Variants in CREB3L2 observed in about 807,000 individuals in gnomAD.
CREB3L2 encodes cyclic AMP-responsive element-binding protein 3-like protein 2.
In CREB3L2, 23 loss-of-function variants were observed where a neutral mutation model predicts 57.2. That is an observed-to-expected ratio of 0.40 (90% CI 0.29 to 0.57). The LOEUF (loss-of-function observed/expected upper bound fraction) is 0.57. Ranked by LOEUF, CREB3L2 falls within the 20% of genes least tolerant of loss-of-function variation. The pLI is 0.42. For synonymous variants in CREB3L2, 268 were observed against 265.1 expected (o/e 1.01, Z -0.11); for missense variants, 628 against 634.7 (o/e 0.99, Z 0.11).
intron 1 of CREB3L2, among the ~76,000 whole-genome samples, chr7:137,959,447 A>G (rs891725923): frequency 3.3e-5 from 5 of 152,198 alleles, no homozygotes; most frequent in African/African-American, 1.2e-4. Context: ...CCAGCACCTG[A>G]GCACAGACTC....
At chr7:137,887,900 T>TA (rs1799457492) in intron 8 of CREB3L2, among the ~76,000 whole-genome samples, 1 of 152,200 alleles carries the variant, frequency 6.6e-6, no homozygotes, top group Non-Finnish European at 1.5e-5. Flanking sequence ...GAAGTATGAT[T>TA]GAATGTAGTT....
chr7:137,884,543 C>T (rs543563954), intron 10 of CREB3L2: 12 of 249,872 alleles, frequency 4.8e-5, no homozygotes, highest in Non-Finnish European at 7.8e-5. Flanking sequence ...CCACCACGCC[C>T]GGCCCTGACC....
At chr7:137,991,844 G>T (rs1170727419) in intron 1 of CREB3L2, among the ~76,000 whole-genome samples, 1 of 151,680 alleles carries the variant, frequency 6.6e-6, no homozygotes, top group Non-Finnish European at 1.5e-5. Context: ...GGACATGGAG[G>T]TTGCAGTGAG....
At chr7:137,930,895 C>T (rs1800600533) in intron 1 of CREB3L2, among the ~76,000 whole-genome samples, 1 of 148,722 alleles carries the variant, frequency 6.7e-6, no homozygotes. Context: ...AAAGATTATA[C>T]ATATCATGAA....
chr7:137,876,313 G>T lies in CREB3L2; in HGVS notation c.*4163C>A. ...GCACATTTAAGGCACAAATGAGCAT[G>T]TAAGGGAGGAATGTGCACGTGTGTG... is the stretch of plus-strand genomic sequence containing the variant. On this transcript the variant is annotated 3_prime_UTR_variant, in exon 12 of 12. Coordinates refer to ENST00000330387, the MANE Select transcript of CREB3L2 (RefSeq NM_194071.4). 4 of 230,758 alleles carry T rather than the reference G, an allele frequency of 1.7e-5. No homozygotes were observed. Among genetic ancestry groups the T allele is most frequent in the Non-Finnish European group, 2.6e-5 (3 of 117,462 alleles). 14.3% of individuals were successfully genotyped at this position (230,758 alleles called of 1,614,324 possible). A position where few individuals can be genotyped will look rare whatever the true frequency, so the allele number is the denominator to read the frequency against.
chr7:137,885,528 G>C (rs772268220), intron 8 of CREB3L2, 26 bp from the exon 9 acceptor site: 1 of 1,561,734 alleles, frequency 6.4e-7, no homozygotes, highest in Admixed American at 1.7e-5. Context: ...ACAGCCGTGA[G>C]GGGAGTCTGA....
chr7:137,959,971 T>C (rs1235000464), intron 1 of CREB3L2, among the ~76,000 whole-genome samples: 6 of 152,196 alleles, frequency 3.9e-5, no homozygotes, highest in Non-Finnish European at 8.8e-5. Flanking sequence ...TCCCTAGTTT[T>C]TAGAATTCTC....
intron 1 of CREB3L2, among the ~76,000 whole-genome samples, chr7:137,943,491 G>A (rs1483662176): frequency 1.3e-5 from 2 of 152,146 alleles, no homozygotes; most frequent in South Asian, 2.1e-4. Context: ...CATAGATGGA[G>A]AGCAGTATCA....
chr7:137,927,200 G>C (rs188968947), intron 2 of CREB3L2, among the ~76,000 whole-genome samples: 209 of 149,594 alleles, frequency 1.4e-3, no homozygotes, highest in Non-Finnish European at 2.4e-3. Context: ...AGGAAGGAAA[G>C]GGAGGAAGGA....
intron 11 of CREB3L2, among the ~76,000 whole-genome samples, chr7:137,881,813 A>G (rs1563236084): frequency 6.6e-6 from 1 of 152,196 alleles, no homozygotes; most frequent in Non-Finnish European, 1.5e-5. Context: ...GATTTTTCCC[A>G]GAAACTGAGA....
chr7:137,899,913 CTG>C (rs138021720), intron 8 of CREB3L2, among the ~76,000 whole-genome samples: 3,012 of 152,326 alleles, frequency 0.02, 97 homozygotes, highest in African/African-American at 0.068. Context: ...GAGATTTAAA[CTG>C]ATCCCTTAAT....
intron 1 of CREB3L2, among the ~76,000 whole-genome samples, chr7:137,949,638 C>A (rs189307758): frequency 1.1e-4 from 17 of 152,128 alleles, no homozygotes; most frequent in African/African-American, 3.9e-4. Flanking sequence ...CTAACACAGA[C>A]GTAAAGCTTG....
chr7:137,879,965 G>T lies in CREB3L2; in HGVS notation c.*511C>A, dbSNP rs1171846728. ...GAGACGATCCAGCGAGGGCTCCCAGGGGGCAGAGTGGGCGGAGGGCTGCTG... is the reference window on the plus strand; with the variant it reads ...GAGACGATCCAGCGAGGGCTCCCAGTGGGCAGAGTGGGCGGAGGGCTGCTG... On this transcript the variant is annotated 3_prime_UTR_variant, in exon 12 of 12. Coordinates refer to ENST00000330387, the MANE Select transcript of CREB3L2 (RefSeq NM_194071.4). 2.5e-5 allele frequency: 6 copies of T among 237,778 alleles called. No individual in the cohort carries two copies. The highest frequency in any genetic ancestry group is 5.4e-5 in the Admixed American group (1 of 18,628). 14.7% of individuals were successfully genotyped at this position (237,778 alleles called of 1,614,324 possible). A position where few individuals can be genotyped will look rare whatever the true frequency, so the allele number is the denominator to read the frequency against.
At chr7:137,900,667 G>T (rs1799733019) in intron 8 of CREB3L2, among the ~76,000 whole-genome samples, 1 of 151,792 alleles carries the variant, frequency 6.6e-6, no homozygotes, top group Non-Finnish European at 1.5e-5. Flanking sequence ...AGCCGGACGT[G>T]GTGGCGCGTG....
intron 2 of CREB3L2, among the ~76,000 whole-genome samples, chr7:137,922,428 A>G (rs1381218504): frequency 3.7e-5 from 2 of 53,554 alleles, no homozygotes; most frequent in East Asian, 1.8e-3. Flanking sequence ...ATATATATAT[A>G]TATATATACG....
At chr7:137,916,777 A>AGAGTGAGAGTGAGAGCGAGAGCGAGAGC (rs1800144833) in intron 2 of CREB3L2, among the ~76,000 whole-genome samples, 1 of 150,798 alleles carries the variant, frequency 6.6e-6, no homozygotes, top group Non-Finnish European at 1.5e-5. Context: ...AGCAAGAGTG[A>AGAGTGAGAGTGAGAGCGAGAGCGAGAGC]GAGTGAGAGT....
Position 137,901,434 on chromosome 7 carries a change from G to T in CREB3L2, c.975-12C>A, listed in dbSNP as rs1278424242. The T allele has an allele frequency of 2.5e-6, 4 of 1,573,026 alleles. No homozygotes were observed. The African/African-American group carries it at 5.4e-5, about 21-fold the overall frequency. Reference sequence around the variant, plus strand: ...AACAAGACTCCACTCTACAAAGGAGGGAGAAAGAAGAAAATTATTATCCAT... The same window carrying T: ...AACAAGACTCCACTCTACAAAGGAGTGAGAAAGAAGAAAATTATTATCCAT... On this transcript the variant is annotated splice_polypyrimidine_tract_variant and intron_variant, in intron 7 of 11. Transcript: ENST00000330387.
intron 2 of CREB3L2, among the ~76,000 whole-genome samples, chr7:137,917,727 G>A (rs1800167328): frequency 6.6e-6 from 1 of 152,186 alleles, no homozygotes; most frequent in African/African-American, 2.4e-5. Context: ...GTTCATATTT[G>A]AGGAATGATT....
chr7:137,899,095 GAGAAGGAAGGAA>G (rs1461281241), intron 8 of CREB3L2, among the ~76,000 whole-genome samples: 2 of 109,712 alleles, frequency 1.8e-5, no homozygotes, highest in African/African-American at 4.1e-5. Flanking sequence ...AAAAAGGAAA[GAGAAGGAAGGAA>G]GGAAGGAAGG....
Sources: allele counts gnomAD v4.1 joint callset (sites outside exome capture counted in the v4.1 genomes callset), GRCh38; gene constraint gnomAD v4.1.1; transcripts MANE v1.5; gene names NCBI Gene and HGNC (gene_info 2026-07-23, HGNC 2026-07-21).